Variants in NFIA observed in about 807,000 individuals in gnomAD.
NFIA encodes the protein nuclear factor 1 A-type.
In NFIA, 8 loss-of-function variants were observed where a neutral mutation model predicts 62.8. The ratio of observed to expected loss-of-function variants is 0.13; its 90% CI spans 0.07 to 0.23. The LOEUF is 0.23. Among genes scored for constraint, NFIA ranks in the 10% least tolerant of loss-of-function variants. The pLI is 1.00. For synonymous variants in NFIA, 235 were observed against 238.1 expected (o/e 0.99, Z 0.12); for missense variants, 410 against 642.1 (o/e 0.64, Z 3.91).
chr1:61,381,811 C>T (rs1220064532), intron 6 of NFIA, among the ~76,000 whole-genome samples: 1 of 152,116 alleles, frequency 6.6e-6, no homozygotes, highest in Non-Finnish European at 1.5e-5. Flanking sequence ...GTCTGAGTCA[C>T]ACTCAAAGGT....
intron 3 of NFIA, among the ~76,000 whole-genome samples, chr1:61,285,909 G>A (rs1289033777): frequency 1.3e-5 from 2 of 152,162 alleles, no homozygotes; most frequent in African/African-American, 2.4e-5. Flanking sequence ...TTAGATCTCT[G>A]TAGGTATTTT....
At position 61,375,919 on chromosome 1, in the gene NFIA, A is replaced by G. The variant is rs538306767; in HGVS notation, c.947-7318A>G. ...TCCCATTGATTTTATAAACCATGCT[A>G]TCCTGTCTTCTATGTGCCTCACTCT... is the stretch of plus-strand genomic sequence containing the variant. On this transcript the variant is annotated intron_variant, in intron 6 of 10. Transcript: ENST00000403491. Among the ~76,000 whole-genome samples the G allele has an allele frequency of 6.6e-5, 10 of 152,166 alleles. 1 individual carries two copies. Among genetic ancestry groups the G allele is most frequent in the Admixed American group, 3.9e-4 (6 of 15,288 alleles).
At chr1:61,186,035 A>C (rs1651156545) in intron 2 of NFIA, among the ~76,000 whole-genome samples, 1 of 152,222 alleles carries the variant, frequency 6.6e-6, no homozygotes, top group Admixed American at 6.5e-5. Context: ...AATGTTGGGC[A>C]AGTTAGAATA....
intron 2 of NFIA, among the ~76,000 whole-genome samples, chr1:61,236,218 C>G (rs935326285): frequency 6.6e-6 from 1 of 151,292 alleles, no homozygotes; most frequent in African/African-American, 2.4e-5. Flanking sequence ...AGGTCAGTAT[C>G]AACATGGGAA....
chr1:61,346,464 A>T (rs1452844519), intron 4 of NFIA, among the ~76,000 whole-genome samples: 1 of 152,262 alleles, frequency 6.6e-6, no homozygotes, highest in Non-Finnish European at 1.5e-5. Flanking sequence ...GTTAAAAAGT[A>T]TACTGTGTTA....
intron 3 of NFIA, among the ~76,000 whole-genome samples, chr1:61,291,609 A>T (rs1049726677): frequency 3.3e-5 from 5 of 152,240 alleles, no homozygotes; most frequent in Admixed American, 6.5e-5. Context: ...CATGTTCATG[A>T]TCAATAGCAA....
chr1:61,110,473 A>ACC (rs72145583), intron 2 of NFIA, among the ~76,000 whole-genome samples: 1 of 134,458 alleles, frequency 7.4e-6, no homozygotes, highest in Non-Finnish European at 1.8e-5. Context: ...AAATATATAT[A>ACC]CACACACACG....
At chr1:61,190,440 A>G (rs1651539321) in intron 2 of NFIA, among the ~76,000 whole-genome samples, 1 of 152,230 alleles carries the variant, frequency 6.6e-6, no homozygotes, top group South Asian at 2.1e-4. Flanking sequence ...GTGCTGCTGT[A>G]AGAATTGGGA....
At chr1:61,294,624 G>A (rs1252267971) in intron 3 of NFIA, among the ~76,000 whole-genome samples, 1 of 152,262 alleles carries the variant, frequency 6.6e-6, no homozygotes, top group African/African-American at 2.4e-5. Flanking sequence ...CAGACATTAA[G>A]TGGATTGCGA....
In NFIA at chr1:61,393,314, C is replaced by T. The variant is rs1272188318; in HGVS notation, c.1075+9949C>T. ...CTCCCTCTTTCTCTCCCTCTCTCCC[C>T]GTCTCTCCCCCTCCCCAACCCCACC... On this transcript the variant is annotated intron_variant, in intron 7 of 10. Transcript: ENST00000403491. 4.8e-5 allele frequency among the ~76,000 whole-genome samples: 5 copies of T among 105,204 alleles called. No individual in the cohort carries two copies. The East Asian group carries it at 1.5e-3, about 32-fold the overall frequency. The allele number at this position is 105,204 out of a possible 152,430, so 69.0% of individuals were successfully genotyped here. A position where few individuals can be genotyped will look rare whatever the true frequency, so the allele number is the denominator to read the frequency against.
chr1:61,401,324 G>T (rs983450202), intron 7 of NFIA, among the ~76,000 whole-genome samples: 3 of 152,080 alleles, frequency 2.0e-5, no homozygotes, highest in South Asian at 2.1e-4. Flanking sequence ...TCTTGTGTTT[G>T]TGTTAAACTC....
intron 7 of NFIA, among the ~76,000 whole-genome samples, chr1:61,400,444 G>T (rs1287273457): frequency 6.6e-6 from 1 of 152,194 alleles, no homozygotes; most frequent in African/African-American, 2.4e-5. Context: ...AGTATTAGAT[G>T]CCGGAAGCAG....
At chr1:61,311,619 G>A (rs2806439) in intron 3 of NFIA, among the ~76,000 whole-genome samples, 113,503 of 151,970 alleles carry the variant, frequency 0.75, 42,738 homozygotes, top group East Asian at 0.95. Context: ...GTAACAACCA[G>A]AAATGTATCC....
intron 3 of NFIA, among the ~76,000 whole-genome samples, chr1:61,321,746 G>A (rs1330360089): frequency 2.6e-5 from 4 of 151,608 alleles, no homozygotes. Flanking sequence ...AGTTCATTGT[G>A]TGATGCCATG....
chr1:61,361,782 G>GGTGTGTGTGT (rs61410878), intron 6 of NFIA, among the ~76,000 whole-genome samples: 62 of 142,178 alleles, frequency 4.4e-4, no homozygotes, highest in African/African-American at 5.3e-4. Flanking sequence ...TTTGGTAAGA[G>GGTGTGTGTGT]GTGTGTGTGT....
chr1:61,080,059 G>C (rs1483652574), upstream of NFIA, among the ~76,000 whole-genome samples: 1 of 152,154 alleles, frequency 6.6e-6, no homozygotes, highest in Non-Finnish European at 1.5e-5. Flanking sequence ...GGAGATAGGA[G>C]AGAAAGCAGG....
intron 2 of NFIA, among the ~76,000 whole-genome samples, chr1:61,103,008 T>C (rs1486431502): frequency 1.3e-5 from 2 of 152,218 alleles, no homozygotes; most frequent in East Asian, 3.8e-4. Context: ...TGTGTGTCAC[T>C]GCATGTTCTT....
At chr1:61,450,142 G>T (rs1419019172) in intron 10 of NFIA, among the ~76,000 whole-genome samples, 1 of 152,192 alleles carries the variant, frequency 6.6e-6, no homozygotes, top group African/African-American at 2.4e-5. Context: ...AGACAAGAAA[G>T]TCCTACAGGG....
chr1:61,222,085 A>G (rs1464162408), intron 2 of NFIA, among the ~76,000 whole-genome samples: 7 of 152,158 alleles, frequency 4.6e-5, no homozygotes, highest in Non-Finnish European at 1.0e-4. Flanking sequence ...GTTAAACACT[A>G]TCACTATATG....
Sources: allele counts gnomAD v4.1 joint callset (sites outside exome capture counted in the v4.1 genomes callset), GRCh38; gene constraint gnomAD v4.1.1; transcripts MANE v1.5; gene names NCBI Gene and HGNC (gene_info 2026-07-23, HGNC 2026-07-21).